The following RDM1 variants were observed in gnomAD, a reference collection of about 807,000 sequenced individuals.
The protein encoded by RDM1 is RAD52 motif containing 1.
RDM1 carries 28 observed loss-of-function variants against 27.7 expected under a neutral mutation model. The ratio of observed to expected loss-of-function variants is 1.01; its 90% CI spans 0.75 to 1.39. The LOEUF is 1.39. Ranked by LOEUF, RDM1 falls within the 40% of genes most tolerant of loss-of-function variation. The pLI, the probability that RDM1 is intolerant of heterozygous loss-of-function variation, is 0.00. For missense variants in RDM1, 277 were observed against 337.3 expected (o/e 0.82, Z 1.40); for synonymous variants, 124 against 127.5 (o/e 0.97, Z 0.19).
At chr17:35,929,109 A>AT (rs11395131) in intron 2 of RDM1, among the ~76,000 whole-genome samples, 12,106 of 152,056 alleles carry the variant, frequency 0.08, 1,633 homozygotes, top group African/African-American at 0.28. Context: ...ATAGCTGGGC[A>AT]TGGTGGCCTG....
At chr17:35,921,372 G>A (rs2088938211) in intron 5 of RDM1, among the ~76,000 whole-genome samples, 2 of 152,246 alleles carry the variant, frequency 1.3e-5, no homozygotes, top group Non-Finnish European at 2.9e-5. Flanking sequence ...AAGGTCTGTG[G>A]TAACTTAATT....
In RDM1 at chr17:35,925,565, G is replaced by A; in HGVS notation, c.349C>T (p.Leu117=). 6.2e-7 allele frequency: 1 copy of A among 1,614,124 alleles called. No individual in the cohort carries two copies. Among genetic ancestry groups the A allele is most frequent in the South Asian group, 1.1e-5 (1 of 91,080 alleles). Residue 117 remains leucine (L), a synonymous_variant, in exon 3 of 7, where the codon CTG becomes TTG. Transcript: ENST00000620284. Reference sequence around the variant, plus strand: ...TTGAAACCAAAGTAGTAATTCGCCAGTTCTTGGCATTTGGAACTGTTCAGG... The same window carrying A: ...TTGAAACCAAAGTAGTAATTCGCCAATTCTTGGCATTTGGAACTGTTCAGG... ...LALNSSKCQE[L]ANYYFGFNGC... is the part of the protein sequence containing the mutation.
chr17:35,918,745 A>T (rs2088831938), intron 6 of RDM1, among the ~76,000 whole-genome samples: 1 of 152,194 alleles, frequency 6.6e-6, no homozygotes, highest in African/African-American at 2.4e-5. Context: ...CTGTGTGCAC[A>T]CATGGAGAAG....
chr17:35,930,052 T>A, intron 2 of RDM1, 24 bp downstream of exon 2: 1 of 1,597,166 alleles, frequency 6.3e-7, no homozygotes, highest in Non-Finnish European at 8.6e-7. Context: ...TCAGCGGAGC[T>A]AGGAATTCCA....
intron 2 of RDM1, among the ~76,000 whole-genome samples, chr17:35,927,514 T>C (rs2089194028): frequency 6.6e-6 from 1 of 152,152 alleles, no homozygotes. Context: ...TCAGGTGCCT[T>C]AGGCCTTTCC....
chr17:35,924,579 T>A (rs750906096), intron 4 of RDM1, 25 bp downstream of exon 4: 1 of 1,595,500 alleles, frequency 6.3e-7, no homozygotes, highest in Non-Finnish European at 8.6e-7. Context: ...ATCCCTACCC[T>A]CCTCCACTCC....
Position 35,925,602 on chromosome 17 carries a change from A to G in RDM1, c.312T>C (p.His104=). The change falls in exon 3 of 7, where the codon CAT becomes CAC. Residue 104 remains histidine (H), a synonymous_variant. Transcript: ENST00000620284. ...RLGTRHKAVQ[H]QALALNSSKC... Reference sequence around the variant, plus strand: ...TGGAACTGTTCAGGGCAAGGGCTTGATGTTGAACTGCCTTATGTCTGGTGC... The same window carrying G: ...TGGAACTGTTCAGGGCAAGGGCTTGGTGTTGAACTGCCTTATGTCTGGTGC... The G allele has an allele frequency of 1.2e-6, 2 of 1,614,052 alleles. No individual in the cohort carries two copies. Among genetic ancestry groups the G allele is most frequent in the Non-Finnish European group, 1.7e-6 (2 of 1,179,914 alleles).
chr17:35,928,373 T>TATG (rs1456016489), intron 2 of RDM1, among the ~76,000 whole-genome samples: 4 of 152,176 alleles, frequency 2.6e-5, no homozygotes, highest in South Asian at 2.1e-4. Context: ...CCATGGTGAG[T>TATG]ATGATGATGA....
In RDM1 at chr17:35,918,270, C is replaced by T. The variant is rs542504439; in HGVS notation, c.*72G>A. On this transcript the variant is annotated 3_prime_UTR_variant, in exon 7 of 7. Transcript: ENST00000620284. The stretch of plus-strand genomic sequence containing the variant: ...ACTCCAGCAGCCTATAGTGGTGGGG[C>T]GGCGTGGGGTAGGGGCACGACAGAG... 36 of 1,295,016 alleles carry T rather than the reference C, an allele frequency of 2.8e-5. No individual in the cohort carries two copies. The highest frequency in any genetic ancestry group is 5.8e-5 in the African/African-American group (4 of 68,702). The allele number at this position is 1,295,016 out of a possible 1,614,324, so 80.2% of individuals were successfully genotyped here. A position where few individuals can be genotyped will look rare whatever the true frequency, so the allele number is the denominator to read the frequency against.
At chr17:35,918,574 T>A in intron 6 of RDM1, 131 bp from the exon 7 acceptor site, 2 of 743,280 alleles carry the variant, frequency 2.7e-6, no homozygotes, top group Non-Finnish European at 4.5e-6. Context: ...CTCTATTAGG[T>A]AGGGGCTGCC....
chr17:35,920,440 CTTTCTTTCTTTCTTTCTTTTTT>C (rs1299383087), intron 5 of RDM1, among the ~76,000 whole-genome samples, 168 bp from the exon 6 acceptor site: 1 of 144,152 alleles, frequency 6.9e-6, no homozygotes. Flanking sequence ...TCAGTTTTTT[CTTTCTTTCTTTCTTTCTTTTTT>C]TTTTTTTTTT....
intron 1 of RDM1, 93 bp from the exon 2 acceptor site, chr17:35,930,348 G>A: frequency 1.3e-6 from 2 of 1,526,232 alleles, no homozygotes; most frequent in Non-Finnish European, 1.8e-6. Context: ...TCTTCGCGAA[G>A]GATGCGATTC....
rs1390646152 is a variant in RDM1 at position 35,924,782 on chromosome 17, T to C, written c.400-10A>G. ...CAGAAAGCTCCTGAAGCTGTAAGGA[T>C]ATTTAATGTAAGGTCCTTCCTGGGG... On this transcript the variant is annotated splice_polypyrimidine_tract_variant and intron_variant, in intron 3 of 6. Transcript: ENST00000620284. 6.2e-7 allele frequency: 1 copy of C among 1,612,454 alleles called. No homozygotes were observed. Among genetic ancestry groups the C allele is most frequent in the Admixed American group, 1.7e-5 (1 of 59,912 alleles).
At position 35,927,822 on chromosome 17, in the gene RDM1, A is replaced by T. The variant is rs1256182878; in HGVS notation, c.277-2185T>A. ...TCTCAATGTCCAAAGAGCACTAAAA[A>T]CTCATTATTTGCAAAATGATACCAA... On this transcript the variant is annotated intron_variant, in intron 2 of 6. Transcript: ENST00000620284. Among the ~76,000 whole-genome samples, 4 of 152,002 alleles carry T rather than the reference A, an allele frequency of 2.6e-5. No individual in the cohort carries two copies. In the East Asian group the frequency reaches 5.8e-4, roughly 22 times the overall value.
intron 2 of RDM1, among the ~76,000 whole-genome samples, chr17:35,925,948 C>T (rs2141944529): frequency 6.6e-6 from 1 of 152,200 alleles, no homozygotes; most frequent in Admixed American, 6.5e-5. Context: ...TCCTGGCTAA[C>T]ATAGTGAAAC....
intron 6 of RDM1, among the ~76,000 whole-genome samples, chr17:35,919,552 G>A (rs1262806651): frequency 6.6e-6 from 1 of 152,166 alleles, no homozygotes; most frequent in Non-Finnish European, 1.5e-5. Context: ...AGGTATTTAT[G>A]TATGTAAAAT....
At chr17:35,920,310 T>G in intron 5 of RDM1, 38 bp from the exon 6 acceptor site, 1 of 1,112,480 alleles carries the variant, frequency 9.0e-7, no homozygotes, top group Non-Finnish European at 1.3e-6. Flanking sequence ...CAGAATCTTT[T>G]TCATTCTAAA....
At chr17:35,923,769 CT>C (rs2089037631) in intron 4 of RDM1, among the ~76,000 whole-genome samples, 1 of 152,264 alleles carries the variant, frequency 6.6e-6, no homozygotes, top group Non-Finnish European at 1.5e-5. Flanking sequence ...ACTTCAAACC[CT>C]AAGCATGATG....
chr17:35,929,562 C>T (rs1367803526), intron 2 of RDM1, among the ~76,000 whole-genome samples: 1 of 152,228 alleles, frequency 6.6e-6, no homozygotes, highest in African/African-American at 2.4e-5. Context: ...ATGCTTCAGC[C>T]TCCCGAGTAG....
Sources: allele counts gnomAD v4.1 joint callset (sites outside exome capture counted in the v4.1 genomes callset), GRCh38; gene constraint gnomAD v4.1.1; transcripts MANE v1.5; gene names NCBI Gene and HGNC (gene_info 2026-07-23, HGNC 2026-07-21).